The following HSPB7 variants were observed in gnomAD, a reference collection of about 807,000 sequenced individuals.
HSPB7 encodes heat shock protein family B (small) member 7, also known as heat shock protein beta-7.
Under a neutral mutation model 11.0 loss-of-function variants are expected in HSPB7, and 9 were observed. The observed-to-expected ratio is 0.82, with a 90% CI of 0.49 to 1.43. The LOEUF (loss-of-function observed/expected upper bound fraction) is 1.43. Ranked by LOEUF, HSPB7 falls within the 40% of genes most tolerant of loss-of-function variation. The pLI is 0.00. For synonymous variants in HSPB7, 102 were observed against 101.6 expected (o/e 1.00, Z -0.02); for missense variants, 246 against 243.9 (o/e 1.01, Z -0.06).
upstream of HSPB7, chr1:16,018,319 C>T: frequency 7.8e-7 from 1 of 1,274,412 alleles, no homozygotes; most frequent in Non-Finnish European, 1.0e-6. Context: ...GTGCCTGCCC[C>T]AGAACCTTGC....
upstream of HSPB7, chr1:16,018,404 A>G (rs910481976): frequency 8.5e-7 from 1 of 1,174,078 alleles, no homozygotes; most frequent in African/African-American, 1.6e-5. Flanking sequence ...TCCCCTCCAG[A>G]CTCTGGTTCT....
chr1:16,016,943 G>A, intron 2 of HSPB7, 131 bp downstream of exon 2: 1 of 915,414 alleles, frequency 1.1e-6, no homozygotes. Flanking sequence ...CCTTCAGTTA[G>A]CCCTGGGGGA....
chr1:16,016,141 C>T (rs1279150494), intron 2 of HSPB7, among the ~76,000 whole-genome samples: 3 of 152,240 alleles, frequency 2.0e-5, no homozygotes, highest in Admixed American at 1.3e-4. Flanking sequence ...CAGGGCTGAG[C>T]GCCGGCCCCT....
chr1:16,018,929 G>T (rs997947270), upstream of HSPB7: 15 of 1,142,770 alleles, frequency 1.3e-5, no homozygotes, highest in South Asian at 1.2e-4. Flanking sequence ...CCCATGTTAC[G>T]GACGGGGAAG....
At chr1:16,017,398 C>A in intron 1 of HSPB7, 191 bp from the exon 2 acceptor site, 1 of 689,790 alleles carries the variant, frequency 1.4e-6, no homozygotes. Context: ...TCACCCAGCA[C>A]AGTGTGTGTG....
In HSPB7 at chr1:16,014,383, G is replaced by C. The variant is rs541094183; in HGVS notation, c.*1197C>G. On this transcript the variant is annotated 3_prime_UTR_variant, in exon 3 of 3. Transcript: ENST00000311890. ...CCCCCAGCTGGAAGACGTGGGGAGG[G>C]TTGCATAGCCTTAGAGAGGTAGAAT... is the stretch of plus-strand genomic sequence containing the variant. The C allele has an allele frequency of 5.3e-5, 8 of 152,316 alleles. No homozygotes were observed. The highest frequency in any genetic ancestry group is 1.9e-4 in the African/African-American group (8 of 41,536). The allele number at this position is 152,316 out of a possible 1,614,324, so 9.4% of individuals were successfully genotyped here.
In HSPB7 at chr1:16,016,940, T is replaced by C. The variant is rs115301891; in HGVS notation, c.333+134A>G. 2.8e-3 allele frequency: 2,509 copies of C among 887,372 alleles called. 56 individuals are homozygous for C. The African/African-American group carries it at 0.036, about 13-fold the overall frequency. The allele number at this position is 887,372 out of a possible 1,614,324, so 55.0% of individuals were successfully genotyped here. A position where few individuals can be genotyped will look rare whatever the true frequency, so the allele number is the denominator to read the frequency against. On this transcript the variant is annotated intron_variant, in intron 2 of 2. Coordinates refer to ENST00000311890, the MANE Select transcript of HSPB7 (RefSeq NM_014424.5). ...TGGGTTGCAGGGACAAGGCCTTCAG[T>C]TAGCCCTGGGGGAGTTTGGGTGGGG... is the stretch of plus-strand genomic sequence containing the variant.
upstream of HSPB7, chr1:16,018,130 C>G (rs945417): frequency 0.57 from 877,261 of 1,546,386 alleles, 251,782 homozygotes; most frequent in East Asian, 0.74. Flanking sequence ...ATTTAGGCCT[C>G]TCCATGGCCC....
At chr1:16,017,245 G>T in intron 1 of HSPB7, 38 bp from the exon 2 acceptor site, 1 of 1,598,508 alleles carries the variant, frequency 6.3e-7, no homozygotes, top group African/African-American at 1.3e-5. Context: ...CATGGAGCAG[G>T]CCTTGCATGC....
chr1:16,018,715 C>T (rs965173910), upstream of HSPB7: 143 of 1,037,608 alleles, frequency 1.4e-4, no homozygotes, highest in African/African-American at 2.2e-3. Flanking sequence ...GTGTTCCCGG[C>T]AACTGTCTGC....
chr1:16,016,961 T>G, intron 2 of HSPB7, 113 bp downstream of exon 2: 2 of 1,092,994 alleles, frequency 1.8e-6, no homozygotes, highest in Non-Finnish European at 2.6e-6. Context: ...GGAGTTTGGG[T>G]GGGGAAGGGA....
upstream of HSPB7, chr1:16,018,236 G>A (rs1333414825): frequency 7.6e-6 from 11 of 1,448,718 alleles, no homozygotes; most frequent in Admixed American, 2.1e-5. Context: ...ATTCCAGGCT[G>A]ATCACAGCAG....
chr1:16,019,296 G>C, upstream of HSPB7: 1 of 1,461,400 alleles, frequency 6.8e-7, no homozygotes, highest in East Asian at 2.5e-5. Flanking sequence ...GACTGCTCCT[G>C]CTCACATGGG....
Position 16,017,970 on chromosome 1 carries a change from AC to A in HSPB7, c.-8del. On this transcript the variant is annotated 5_prime_UTR_variant, in exon 1 of 3. Transcript: ENST00000311890. ...AAGAGGTTCTGTGGCTCATCCACGG[AC>A]GGCGCCGGGCCCTGCCCAGGCGGGC... 1 of 1,612,938 alleles carries A rather than the reference AC, an allele frequency of 6.2e-7. No individual in the cohort carries two copies. The highest frequency in any genetic ancestry group is 2.2e-5 in the East Asian group (1 of 44,860).
Position 16,017,061 on chromosome 1 carries a change from G to C in HSPB7, c.333+13C>G, listed in dbSNP as rs1213561542. 2 of 1,602,506 alleles carry C rather than the reference G, an allele frequency of 1.2e-6. No homozygotes were observed. The highest frequency in any genetic ancestry group is 8.5e-7 in the Non-Finnish European group (1 of 1,170,388). On this transcript the variant is annotated intron_variant, in intron 2 of 2. Transcript: ENST00000311890. ...GAATTTGGGATGCGGTGAGTAGGGG[G>C]TGGGGGGCTCACCTTCTCAGCCCGC... is the stretch of plus-strand genomic sequence containing the variant.
Position 16,015,799 on chromosome 1 carries a change from CCT to C in HSPB7, c.334-42_334-41del, listed in dbSNP as rs200012555. The C allele has an allele frequency of 1.7e-3, 2,563 of 1,528,292 alleles. 41 individuals are homozygous for C. The African/African-American group carries it at 0.031, about 19-fold the overall frequency. The allele number at this position is 1,528,292 out of a possible 1,614,324, so 94.7% of individuals were successfully genotyped here. A position where few individuals can be genotyped will look rare whatever the true frequency, so the allele number is the denominator to read the frequency against. The stretch of plus-strand genomic sequence containing the variant: ...ACCCGTCAGGCAGGCTGCCCCGACC[CCT>C]GTCCTGCTTGTGACAAGCCAGAGCC... On this transcript the variant is annotated intron_variant, in intron 2 of 2. Transcript: ENST00000311890. This position sits in a 1 kb window ranked among gnomAD's most constrained non-coding sequence, Gnocchi z 4.9.
upstream of HSPB7, chr1:16,018,111 A>T: frequency 6.4e-7 from 1 of 1,553,574 alleles, no homozygotes; most frequent in Non-Finnish European, 8.7e-7. Flanking sequence ...CCCCTTGTCT[A>T]CTAGCTAAAT....
rs1175827695 is a variant in HSPB7, at chr1:16,014,875, G to T, written c.*705C>A. ...CAACCCCACTTGGCCTTGCCTGGAG[G>T]CCCCAGCAGGCGCAGGACGGCAGGA... On this transcript the variant is annotated 3_prime_UTR_variant, in exon 3 of 3. Transcript: ENST00000311890. 6.6e-6 allele frequency: 1 copy of T among 152,492 alleles called. No homozygotes were observed. Among genetic ancestry groups the T allele is most frequent in the Admixed American group, 6.5e-5 (1 of 15,290 alleles). 9.4% of individuals were successfully genotyped at this position (152,492 alleles called of 1,614,324 possible).
rs1051340106 is a variant in HSPB7 at position 16,014,316 on chromosome 1, C to G, written c.*1264G>C. 4 of 150,242 alleles carry G rather than the reference C, an allele frequency of 2.7e-5. No individual in the cohort carries two copies. The highest frequency in any genetic ancestry group is 7.4e-5 in the African/African-American group (3 of 40,566). 9.3% of individuals were successfully genotyped at this position (150,242 alleles called of 1,614,324 possible). A position where few individuals can be genotyped will look rare whatever the true frequency, so the allele number is the denominator to read the frequency against. On this transcript the variant is annotated 3_prime_UTR_variant, in exon 3 of 3. Transcript: ENST00000311890. ...GTTAAGGCTGATGGAAGGTCCCTAT[C>G]CCAGATGGGAGATGGGGGCTTTTCC...
Sources: allele counts gnomAD v4.1 joint callset (sites outside exome capture counted in the v4.1 genomes callset), GRCh38; gene constraint gnomAD v4.1.1; non-coding constraint Gnocchi (gnomAD v3.1); transcripts MANE v1.5; gene names NCBI Gene and HGNC (gene_info 2026-07-23, HGNC 2026-07-21).